Variants in CHRM3 observed in about 807,000 individuals in gnomAD.
CHRM3 encodes the protein cholinergic receptor muscarinic 3, also known as muscarinic acetylcholine receptor M3.
CHRM3 carries 11 observed loss-of-function variants against 41.8 expected under a neutral mutation model. That is an observed-to-expected ratio of 0.26 (90% CI 0.17 to 0.44). The LOEUF is 0.44. Among genes scored for constraint, CHRM3 ranks in the 20% least tolerant of loss-of-function variants. CHRM3 has a pLI of 1.00. For missense variants in CHRM3, 571 were observed against 745.4 expected (o/e 0.77, Z 2.72); for synonymous variants, 297 against 301.4 (o/e 0.99, Z 0.15).
chr1:239,760,554 C>G (rs1439502222), intron 5 of CHRM3, among the ~76,000 whole-genome samples: 1 of 152,146 alleles, frequency 6.6e-6, no homozygotes, highest in Non-Finnish European at 1.5e-5. Context: ...CACACCTTTC[C>G]TTACACTAGT....
intron 6 of CHRM3, among the ~76,000 whole-genome samples, chr1:239,850,095 A>T (rs190463790): frequency 7.2e-5 from 11 of 152,304 alleles, no homozygotes; most frequent in Non-Finnish European, 8.8e-5. Context: ...CCAGTAGTTT[A>T]CTGTTGACAG....
intron 1 of CHRM3, among the ~76,000 whole-genome samples, chr1:239,411,001 C>T (rs938958883): frequency 8.5e-5 from 13 of 152,250 alleles, no homozygotes; most frequent in African/African-American, 3.1e-4. Context: ...ATGGTTGAGA[C>T]AAAGCACTGC....
chr1:239,576,292 G>C (rs985512031), intron 3 of CHRM3, among the ~76,000 whole-genome samples: 1 of 151,866 alleles, frequency 6.6e-6, no homozygotes, highest in Non-Finnish European at 1.5e-5. Context: ...CCCAGGGATC[G>C]TAAGTTAATG....
chr1:239,712,134 A>T (rs1661865376), intron 5 of CHRM3, among the ~76,000 whole-genome samples: 1 of 152,190 alleles, frequency 6.6e-6, no homozygotes, highest in South Asian at 2.1e-4. Context: ...TATACATTGT[A>T]TCCATCTTTG....
chr1:239,632,862 A>C (rs2148876601), intron 4 of CHRM3, among the ~76,000 whole-genome samples: 1 of 152,316 alleles, frequency 6.6e-6, no homozygotes, highest in South Asian at 2.1e-4. Context: ...ACTACCTGAG[A>C]CTGGGTAATT....
chr1:239,531,853 G>A (rs1266728738), intron 2 of CHRM3, among the ~76,000 whole-genome samples: 1 of 149,804 alleles, frequency 6.7e-6, no homozygotes, highest in African/African-American at 2.5e-5. Flanking sequence ...TAGAGACGGG[G>A]TTTCACTGTG....
intron 6 of CHRM3, among the ~76,000 whole-genome samples, chr1:239,841,832 T>C (rs939767250): frequency 6.6e-6 from 1 of 152,212 alleles, no homozygotes; most frequent in African/African-American, 2.4e-5. Context: ...CTCTAGTGGC[T>C]GAAAACTGGA....
At chr1:239,690,137 C>T (rs563623134) in intron 5 of CHRM3, among the ~76,000 whole-genome samples, 15 of 152,224 alleles carry the variant, frequency 9.9e-5, no homozygotes, top group African/African-American at 3.6e-4. Flanking sequence ...CCATACCATC[C>T]AGAATTTCAT....
chr1:239,482,310 C>G (rs961808861), intron 1 of CHRM3, among the ~76,000 whole-genome samples: 1 of 152,076 alleles, frequency 6.6e-6, no homozygotes, highest in Non-Finnish European at 1.5e-5. Flanking sequence ...AAACTTCTGT[C>G]CACGTGGACA....
intron 5 of CHRM3, among the ~76,000 whole-genome samples, chr1:239,743,909 G>A (rs530364458): frequency 7.8e-5 from 11 of 140,890 alleles, no homozygotes; most frequent in African/African-American, 1.1e-4. Context: ...TCCCACTTCA[G>A]TCTTCCAAAC....
chr1:239,723,757 A>C (rs1215102123), intron 5 of CHRM3, among the ~76,000 whole-genome samples: 1 of 151,856 alleles, frequency 6.6e-6, no homozygotes, highest in African/African-American at 2.4e-5. Context: ...GGTCAACATG[A>C]CTGGCCCAGG....
chr1:239,663,009 C>G (rs1673418095), intron 4 of CHRM3, among the ~76,000 whole-genome samples: 1 of 150,636 alleles, frequency 6.6e-6, no homozygotes, highest in East Asian at 2.0e-4. Context: ...CTTCTTCTTT[C>G]TCTTCCTCTT....
chr1:239,779,563 G>A lies in CHRM3; in HGVS notation c.-146-47689G>A, dbSNP rs151209913. On this transcript the variant is annotated intron_variant, in intron 5 of 6. Transcript: ENST00000676153. ...AGCCTGGCCAGCATGGCAAAACCGC[G>A]TCTCTACTAAAAATACAAAAAATTA... Among the ~76,000 whole-genome samples, 240 of 152,224 alleles carry A rather than the reference G, an allele frequency of 1.6e-3. 1 individual carries two copies. Among genetic ancestry groups the A allele is most frequent in the African/African-American group, 5.4e-3 (224 of 41,554 alleles).
chr1:239,822,518 A>C (rs1018819697), intron 5 of CHRM3, among the ~76,000 whole-genome samples: 1 of 152,174 alleles, frequency 6.6e-6, no homozygotes, highest in Non-Finnish European at 1.5e-5. Flanking sequence ...CTTATTCTAC[A>C]TAAACCAAAT....
intron 4 of CHRM3, among the ~76,000 whole-genome samples, chr1:239,662,321 A>G (rs537144331): frequency 1.3e-5 from 2 of 152,266 alleles, no homozygotes; most frequent in African/African-American, 4.8e-5. Flanking sequence ...TGTGATTGAC[A>G]TGTCTGATTT....
intron 5 of CHRM3, among the ~76,000 whole-genome samples, chr1:239,724,779 G>A (rs1021590963): frequency 4.6e-5 from 7 of 151,784 alleles, no homozygotes; most frequent in African/African-American, 7.3e-5. Flanking sequence ...AATTATTGAA[G>A]CTAGAAATTC....
At chr1:239,401,977 T>C (rs983828326) in intron 1 of CHRM3, among the ~76,000 whole-genome samples, 4 of 152,188 alleles carry the variant, frequency 2.6e-5, no homozygotes, top group South Asian at 2.1e-4. Flanking sequence ...TGACCTGGCC[T>C]CTTTATTCAC....
At chr1:239,490,591 A>G (rs750348137) in intron 1 of CHRM3, among the ~76,000 whole-genome samples, 35 of 151,960 alleles carry the variant, frequency 2.3e-4, no homozygotes, top group Admixed American at 5.2e-4. Context: ...ATCTTTTGAG[A>G]TGGGGTCTTA....
chr1:239,742,397 G>T (rs1039370075), intron 5 of CHRM3, among the ~76,000 whole-genome samples: 2 of 152,178 alleles, frequency 1.3e-5, no homozygotes, highest in Non-Finnish European at 2.9e-5. Context: ...ACCGGAGCCA[G>T]ATGGCCTAAG....
Sources: allele counts gnomAD v4.1 joint callset (sites outside exome capture counted in the v4.1 genomes callset), GRCh38; gene constraint gnomAD v4.1.1; transcripts MANE v1.5; gene names NCBI Gene and HGNC (gene_info 2026-07-23, HGNC 2026-07-21).